The following KPNA1 variants were observed in gnomAD, a reference collection of about 807,000 sequenced individuals.
KPNA1 encodes karyopherin subunit alpha 1.
A neutral mutation model predicts 70.5 loss-of-function variants in KPNA1; 10 were observed. The observed-to-expected ratio is 0.14, with a 90% CI of 0.09 to 0.24. The LOEUF (loss-of-function observed/expected upper bound fraction) is 0.24. Among genes scored for constraint, KPNA1 ranks in the 10% least tolerant of loss-of-function variants. The probability of loss-of-function intolerance (pLI) is 1.00; values close to 1 mark genes in which losing one functional copy is unlikely to be tolerated. For synonymous variants in KPNA1, 192 were observed against 221.9 expected (o/e 0.87, Z 1.20); for missense variants, 397 against 637.9 (o/e 0.62, Z 4.07).
Position 122,422,219 on chromosome 3 carries a change from T to C in KPNA1, c.*4766A>G, listed in dbSNP as rs2075771984. 1 of 152,186 alleles carries C rather than the reference T, an allele frequency of 6.6e-6. No homozygotes were observed. The highest frequency in any genetic ancestry group is 6.5e-5 in the Admixed American group (1 of 15,274). 9.4% of individuals were successfully genotyped at this position (152,186 alleles called of 1,614,324 possible). ...GTAGACTGTGTTAAATTCGCATCCA[T>C]GGCACTGCTTCCTGAGGCAGTAATT... On this transcript the variant is annotated 3_prime_UTR_variant, in exon 14 of 14. Transcript: ENST00000344337.
At chr3:122,494,583 T>C (rs1235068567) in intron 2 of KPNA1, among the ~76,000 whole-genome samples, 1 of 152,220 alleles carries the variant, frequency 6.6e-6, no homozygotes, top group Non-Finnish European at 1.5e-5. Context: ...TCCAGCTTTA[T>C]ATTTTGCTTA....
chr3:122,514,182 T>C (rs1315605903), intron 1 of KPNA1, among the ~76,000 whole-genome samples: 3 of 152,240 alleles, frequency 2.0e-5, no homozygotes, highest in African/African-American at 7.2e-5. Context: ...CATGTTGTTA[T>C]GACATCGGTA....
At chr3:122,487,556 A>G (rs2076643764) in intron 2 of KPNA1, among the ~76,000 whole-genome samples, 1 of 152,216 alleles carries the variant, frequency 6.6e-6, no homozygotes, top group African/African-American at 2.4e-5. Context: ...TAATACATAC[A>G]ATGGAATATT....
At chr3:122,484,120 T>C (rs1471782554) in intron 2 of KPNA1, among the ~76,000 whole-genome samples, 7 of 152,182 alleles carry the variant, frequency 4.6e-5, no homozygotes, top group Non-Finnish European at 1.0e-4. Flanking sequence ...AATTTGAATA[T>C]GTAGTATATA....
rs918368353 is a variant in KPNA1, at chr3:122,423,502, C to T, written c.*3483G>A. 2.0e-5 allele frequency: 3 copies of T among 152,536 alleles called. No homozygotes were observed. Among genetic ancestry groups the T allele is most frequent in the Non-Finnish European group, 2.9e-5 (2 of 68,036 alleles). 9.4% of individuals were successfully genotyped at this position (152,536 alleles called of 1,614,324 possible). A position where few individuals can be genotyped will look rare whatever the true frequency, so the allele number is the denominator to read the frequency against. ...TTCCAATATACTTAAAAACCATCAA[C>T]CCCTAAAAAGTTATAATGATTTGCC... On this transcript the variant is annotated 3_prime_UTR_variant, in exon 14 of 14. Coordinates refer to ENST00000344337, the MANE Select transcript of KPNA1 (RefSeq NM_002264.4).
chr3:122,453,380 T>G (rs1251245043), intron 6 of KPNA1, among the ~76,000 whole-genome samples: 1 of 152,218 alleles, frequency 6.6e-6, no homozygotes, highest in Non-Finnish European at 1.5e-5. Context: ...CTAAGAGAAA[T>G]TCTGCCTACA....
intron 4 of KPNA1, 86 bp from the exon 5 acceptor site, chr3:122,461,404 C>T: frequency 1.3e-6 from 1 of 763,310 alleles, no homozygotes; most frequent in South Asian, 1.6e-5. Flanking sequence ...AACATCCCTC[C>T]CTCCATTTAC....
chr3:122,453,256 T>C (rs755542148), intron 6 of KPNA1, among the ~76,000 whole-genome samples: 2 of 152,182 alleles, frequency 1.3e-5, no homozygotes, highest in Non-Finnish European at 2.9e-5. Context: ...CTTTCAACAC[T>C]TGAAATTTCT....
rs552905595 is a variant in KPNA1, at chr3:122,429,401, C to T, written c.1251-1685G>A. ...AGGCGGAGGTTGCAGGAGCCGAGACCGTGCCACTGCACTCCAGCCTGGGCG... is the reference window on the plus strand; with the variant it reads ...AGGCGGAGGTTGCAGGAGCCGAGACTGTGCCACTGCACTCCAGCCTGGGCG... On this transcript the variant is annotated intron_variant, in intron 12 of 13. Transcript: ENST00000344337. Among the ~76,000 whole-genome samples, 6 of 138,356 alleles carry T rather than the reference C, an allele frequency of 4.3e-5. No individual in the cohort carries two copies. In the South Asian group the frequency reaches 7.1e-4, roughly 16 times the overall value. The allele number at this position is 138,356 out of a possible 152,430, so 90.8% of individuals were successfully genotyped here. A position where few individuals can be genotyped will look rare whatever the true frequency, so the allele number is the denominator to read the frequency against.
intron 9 of KPNA1, among the ~76,000 whole-genome samples, chr3:122,446,928 G>A (rs977605199): frequency 1.3e-5 from 2 of 152,118 alleles, no homozygotes; most frequent in African/African-American, 4.8e-5. Flanking sequence ...AGAAGAAATG[G>A]ATACATTCCT....
chr3:122,478,353 GGCTCACAC>G (rs2076529208), intron 2 of KPNA1, among the ~76,000 whole-genome samples: 1 of 151,970 alleles, frequency 6.6e-6, no homozygotes, highest in Non-Finnish European at 1.5e-5. Context: ...CACGCGCATT[GGCTCACAC>G]CTGTAATCCC....
At chr3:122,444,047 A>G (rs2076101382) in intron 9 of KPNA1, among the ~76,000 whole-genome samples, 2 of 152,190 alleles carry the variant, frequency 1.3e-5, no homozygotes, top group Admixed American at 1.3e-4. Context: ...CAAAAGACAG[A>G]CACTCCCAGA....
intron 5 of KPNA1, chr3:122,459,822 CAA>C: frequency 2.0e-6 from 2 of 985,348 alleles, no homozygotes; most frequent in Non-Finnish European, 2.4e-6. Flanking sequence ...ATCACCGCAA[CAA>C]AGAGTGTAAA....
At position 122,480,671 on chromosome 3, in the gene KPNA1, TA is replaced by T. The variant is rs956112094; in HGVS notation, c.130-13243del. ...CAATTTTTTTTAAACTTTTCTCATTTAAAAAAAAAAAAGTATTTTAAAAAAA... is the reference window on the plus strand; with the variant it reads ...CAATTTTTTTTAAACTTTTCTCATTTAAAAAAAAAAAGTATTTTAAAAAAA... On this transcript the variant is annotated intron_variant, in intron 2 of 13. Transcript: ENST00000344337. 2.2e-3 allele frequency among the ~76,000 whole-genome samples: 315 copies of T among 144,564 alleles called. 1 individual carries two copies. The Middle Eastern group carries it at 0.029, about 13-fold the overall frequency. The allele number at this position is 144,564 out of a possible 152,430, so 94.8% of individuals were successfully genotyped here.
chr3:122,459,592 T>C (rs1560032501), intron 5 of KPNA1: 2 of 985,418 alleles, frequency 2.0e-6, no homozygotes, highest in Non-Finnish European at 2.4e-6. Flanking sequence ...AAGTCTCTCT[T>C]CCCTTGCTCT....
intron 6 of KPNA1, among the ~76,000 whole-genome samples, chr3:122,452,833 AAGACAGAAAGAAAAAAAG>A (rs2076224831): frequency 6.6e-6 from 1 of 152,002 alleles, no homozygotes; most frequent in Non-Finnish European, 1.5e-5. Context: ...GAAAGAGAGA[AAGACAGAAAGAAAAAAAG>A]AGACAGAAAG....
chr3:122,439,682 T>A (rs2076038021), intron 10 of KPNA1, among the ~76,000 whole-genome samples: 1 of 152,074 alleles, frequency 6.6e-6, no homozygotes, highest in East Asian at 1.9e-4. Context: ...CAGCTGTTAT[T>A]AGGGGGAATA....
chr3:122,499,451 CT>C (rs200134174), intron 1 of KPNA1, among the ~76,000 whole-genome samples: 3 of 148,080 alleles, frequency 2.0e-5, no homozygotes, highest in African/African-American at 5.0e-5. Flanking sequence ...ATTTTTTTTT[CT>C]TTTTTTTTAA....
intron 1 of KPNA1, among the ~76,000 whole-genome samples, chr3:122,503,639 C>T: frequency 6.6e-6 from 1 of 152,132 alleles, no homozygotes; most frequent in Admixed American, 6.5e-5. Flanking sequence ...AAGCATACTT[C>T]CCACTGTCTG....
Sources: gnomAD v4.1 joint callset for allele counts (sites outside exome capture counted in the v4.1 genomes callset) on GRCh38, gnomAD v4.1.1 for gene constraint, MANE v1.5 for transcripts, NCBI Gene and HGNC (gene_info 2026-07-23, HGNC 2026-07-21) for gene names.